Variants in CADM1 observed in about 807,000 individuals in gnomAD.
CADM1 encodes the protein TSLC-1.
In CADM1, 15 loss-of-function variants were observed where a neutral mutation model predicts 53.1. The ratio of observed to expected loss-of-function variants is 0.28; its 90% confidence interval spans 0.19 to 0.44. CADM1 has a LOEUF of 0.44. CADM1 is among the 20% of genes least tolerant of loss of function. CADM1 has a pLI of 1.00. For missense variants in CADM1, 434 were observed against 611.3 expected (o/e 0.71, Z 3.06); for synonymous variants, 281 against 243.0 (o/e 1.16, Z -1.45).
chr11:115,234,567 T>A (rs984127138), intron 3 of CADM1, among the ~76,000 whole-genome samples: 1 of 152,102 alleles, frequency 6.6e-6, no homozygotes, highest in African/African-American at 2.4e-5. Context: ...AATTTAAGGC[T>A]AAGGTAAAAA....
At chr11:115,319,575 G>T (rs1344195922) in intron 1 of CADM1, among the ~76,000 whole-genome samples, 2 of 152,044 alleles carry the variant, frequency 1.3e-5, no homozygotes, top group Non-Finnish European at 2.9e-5. Flanking sequence ...AATTCTTTGG[G>T]AGCCAAAAAG....
chr11:115,247,523 A>C (rs1340973584), intron 1 of CADM1, among the ~76,000 whole-genome samples: 1 of 152,228 alleles, frequency 6.6e-6, no homozygotes, highest in Non-Finnish European at 1.5e-5. Context: ...CTAGTTCATT[A>C]ATCATTGTTC....
At chr11:115,290,000 T>C (rs1943845154) in intron 1 of CADM1, among the ~76,000 whole-genome samples, 2 of 152,210 alleles carry the variant, frequency 1.3e-5, no homozygotes, top group Non-Finnish European at 2.9e-5. Context: ...CCTACAAAGG[T>C]ATCCTCTCTT....
At chr11:115,215,438 T>C (rs1245206356) in intron 6 of CADM1, among the ~76,000 whole-genome samples, 3 of 152,178 alleles carry the variant, frequency 2.0e-5, no homozygotes, top group Non-Finnish European at 2.9e-5. Flanking sequence ...CCTTGGCAAA[T>C]TGCCTTCTTT....
chr11:115,480,896 G>C (rs999385989), intron 1 of CADM1, among the ~76,000 whole-genome samples: 9 of 151,966 alleles, frequency 5.9e-5, no homozygotes, highest in African/African-American at 2.2e-4. Context: ...CACCTCAGAA[G>C]AAAACAATGG....
intron 5 of CADM1, among the ~76,000 whole-genome samples, chr11:115,222,870 A>G (rs906029363): frequency 2.0e-5 from 3 of 152,148 alleles, no homozygotes; most frequent in African/African-American, 7.2e-5. Context: ...CTTGGAAGCA[A>G]TTCTCATCAT....
At chr11:115,502,363 A>G (rs1949747770) in intron 1 of CADM1, among the ~76,000 whole-genome samples, 1 of 121,410 alleles carries the variant, frequency 8.2e-6, no homozygotes, top group South Asian at 2.6e-4. Context: ...TTTGCAGCCA[A>G]TACAAGTCTA....
chr11:115,325,345 G>T lies in CADM1; in HGVS notation c.125-84925C>A, dbSNP rs960128542. ...GGCTTGGACATCAGTCATCAATAAG[G>T]GTCCTTGCCAAAAAGAAGTGGTGGG... On this transcript the variant is annotated intron_variant, in intron 1 of 11. Transcript: ENST00000331581. Among the ~76,000 whole-genome samples, 3 of 152,074 alleles carry T rather than the reference G, an allele frequency of 2.0e-5. No homozygotes were observed. In the South Asian group the frequency reaches 6.2e-4, roughly 32 times the overall value.
intron 1 of CADM1, among the ~76,000 whole-genome samples, chr11:115,502,612 C>T (rs771282733): frequency 3.3e-5 from 5 of 152,078 alleles, no homozygotes; most frequent in Non-Finnish European, 5.9e-5. Flanking sequence ...AAACAACATC[C>T]GGAGACAGTG....
At chr11:115,417,751 T>C (rs1947638563) in intron 1 of CADM1, among the ~76,000 whole-genome samples, 1 of 152,144 alleles carries the variant, frequency 6.6e-6, no homozygotes, top group East Asian at 1.9e-4. Flanking sequence ...ATTTATAAAT[T>C]GTTTATTTCT....
chr11:115,292,248 TACATTAAA>T, intron 1 of CADM1, among the ~76,000 whole-genome samples: 1 of 152,256 alleles, frequency 6.6e-6, no homozygotes, highest in Non-Finnish European at 1.5e-5. Context: ...CAGTCATGTT[TACATTAAA>T]ACTAAAAGTA....
chr11:115,295,618 G>A (rs2135122953), intron 1 of CADM1, among the ~76,000 whole-genome samples: 1 of 144,538 alleles, frequency 6.9e-6, no homozygotes, highest in African/African-American at 2.5e-5. Context: ...CTTCTTAAAA[G>A]GCTTCAATTA....
Position 115,174,932 on chromosome 11 carries a change from C to T in CADM1, c.*1542G>A, listed in dbSNP as rs1001760930. 3.5e-5 allele frequency: 34 copies of T among 985,394 alleles called. No individual in the cohort carries two copies. Among genetic ancestry groups the T allele is most frequent in the African/African-American group, 8.7e-5 (5 of 57,158 alleles). 61.0% of individuals were successfully genotyped at this position (985,394 alleles called of 1,614,324 possible). A position where few individuals can be genotyped will look rare whatever the true frequency, so the allele number is the denominator to read the frequency against. ...TTTCTTTAAAACATGTAAATGGTAACGTGACTCCTCTACCTTTTCCCGAGG... is the reference window on the plus strand; with the variant it reads ...TTTCTTTAAAACATGTAAATGGTAATGTGACTCCTCTACCTTTTCCCGAGG... On this transcript the variant is annotated 3_prime_UTR_variant, in exon 12 of 12. Coordinates refer to ENST00000331581, the MANE Select transcript of CADM1 (RefSeq NM_001301043.2).
At chr11:115,188,898 GTTGT>G (rs760684180) in intron 10 of CADM1, among the ~76,000 whole-genome samples, 30 of 117,912 alleles carry the variant, frequency 2.5e-4, no homozygotes, top group Non-Finnish European at 5.8e-4. Context: ...ATTTTTATTG[GTTGT>G]TTTTTTTTTC....
intron 1 of CADM1, among the ~76,000 whole-genome samples, chr11:115,296,047 T>G (rs186286446): frequency 5.8e-4 from 88 of 152,204 alleles, no homozygotes; most frequent in Non-Finnish European, 1.0e-3. Context: ...AACTCCTAGG[T>G]ACAAGTGATC....
intron 1 of CADM1, among the ~76,000 whole-genome samples, chr11:115,497,983 A>G (rs1387919976): frequency 6.6e-6 from 1 of 152,126 alleles, no homozygotes; most frequent in African/African-American, 2.4e-5. Context: ...CTCAAAAAAA[A>G]AAAAAAAAAC....
At position 115,222,487 on chromosome 11, in the gene CADM1, T is replaced by C. The variant is rs868001319; in HGVS notation, c.722-4496A>G. On this transcript the variant is annotated intron_variant, in intron 5 of 11. Coordinates refer to ENST00000331581, the MANE Select transcript of CADM1 (RefSeq NM_001301043.2). Reference sequence around the variant, plus strand: ...CTCAGAGGAGTTAAAGAGAACATCTTGCAAAATATTTGCTTTCTATTGTCA... The same window carrying C: ...CTCAGAGGAGTTAAAGAGAACATCTCGCAAAATATTTGCTTTCTATTGTCA... 8.5e-5 allele frequency among the ~76,000 whole-genome samples: 13 copies of C among 152,318 alleles called. No homozygotes were observed. In the South Asian group the frequency reaches 2.5e-3, roughly 29 times the overall value.
At chr11:115,343,292 C>T (rs1197619306) in intron 1 of CADM1, among the ~76,000 whole-genome samples, 3 of 152,258 alleles carry the variant, frequency 2.0e-5, no homozygotes, top group African/African-American at 4.8e-5. Flanking sequence ...ATATATAGAG[C>T]TTGCCATGTG....
At chr11:115,434,863 A>ATTT (rs71066429) in intron 1 of CADM1, among the ~76,000 whole-genome samples, 11 of 128,734 alleles carry the variant, frequency 8.5e-5, no homozygotes, top group Admixed American at 3.2e-4. Context: ...TATTATTATT[A>ATTT]TTTTTTTTTT....
Sources: allele counts gnomAD v4.1 joint callset (sites outside exome capture counted in the v4.1 genomes callset), GRCh38; gene constraint gnomAD v4.1.1; transcripts MANE v1.5; gene names NCBI Gene and HGNC (gene_info 2026-07-23, HGNC 2026-07-21).